Variants in PDE8A observed in about 807,000 individuals in gnomAD.
PDE8A encodes the protein high affinity cAMP-specific and IBMX-insensitive 3',5'-cyclic phosphodiesterase 8A.
In PDE8A, 59 loss-of-function variants were observed where a neutral mutation model predicts 105.0. That is an observed-to-expected ratio of 0.56 (90% CI 0.46 to 0.70). PDE8A has a LOEUF of 0.70. PDE8A is among the 30% of genes least tolerant of loss of function. The pLI, the probability that PDE8A is intolerant of heterozygous loss-of-function variation, is 0.00. For missense variants in PDE8A, 1,014 were observed against 1,045.9 expected (o/e 0.97, Z 0.42); for synonymous variants, 355 against 371.9 (o/e 0.95, Z 0.52).
chr15:85,019,202 GGAT>G (rs1264969416), intron 1 of PDE8A, among the ~76,000 whole-genome samples: 1 of 152,082 alleles, frequency 6.6e-6, no homozygotes, highest in Non-Finnish European at 1.5e-5. Context: ...TATGAGTGAT[GGAT>G]GATATTAAGA....
chr15:84,984,868 A>G (rs774954304), intron 1 of PDE8A, among the ~76,000 whole-genome samples: 3 of 152,068 alleles, frequency 2.0e-5, no homozygotes, highest in Non-Finnish European at 4.4e-5. Flanking sequence ...CAGAGTTTGG[A>G]TTTTCAGATT....
intron 16 of PDE8A, 63 bp downstream of exon 16, chr15:85,116,182 A>G (rs561581707): frequency 1.3e-6 from 2 of 1,542,496 alleles, no homozygotes; most frequent in Non-Finnish European, 1.8e-6. Flanking sequence ...TGAGGAGGCT[A>G]CCTGAGGAGT....
intron 1 of PDE8A, among the ~76,000 whole-genome samples, chr15:85,030,632 G>T (rs781729113): frequency 2.6e-4 from 40 of 152,264 alleles, no homozygotes; most frequent in Admixed American, 4.6e-4. Context: ...ATCTACTGTG[G>T]AATCCTCCAT....
intron 3 of PDE8A, among the ~76,000 whole-genome samples, chr15:85,072,823 C>G (rs1283416489): frequency 6.6e-6 from 1 of 152,150 alleles, no homozygotes; most frequent in African/African-American, 2.4e-5. Flanking sequence ...TTAAGACTTT[C>G]CCAGTGAGGC....
intron 1 of PDE8A, among the ~76,000 whole-genome samples, chr15:85,021,544 C>G (rs1363883195): frequency 1.3e-5 from 2 of 151,428 alleles, no homozygotes; most frequent in African/African-American, 4.9e-5. Flanking sequence ...GGCAACTGAG[C>G]AGTACCCTGG....
chr15:85,022,625 T>A (rs976401309), intron 1 of PDE8A, among the ~76,000 whole-genome samples: 14 of 151,588 alleles, frequency 9.2e-5, no homozygotes, highest in African/African-American at 3.4e-4. Flanking sequence ...CTCAGCTCAC[T>A]GCAACCTCTG....
chr15:84,980,888 C>T (rs1306481694), upstream of PDE8A, among the ~76,000 whole-genome samples: 1 of 152,216 alleles, frequency 6.6e-6, no homozygotes, highest in Non-Finnish European at 1.5e-5. Flanking sequence ...GCGGCCGCCC[C>T]GGCGCCTGTG....
intron 1 of PDE8A, among the ~76,000 whole-genome samples, chr15:85,033,724 G>T (rs986107117): frequency 2.6e-5 from 4 of 152,162 alleles, no homozygotes; most frequent in Non-Finnish European, 5.9e-5. Flanking sequence ...AATTAGCTGG[G>T]CGTGGTGGCG....
intron 1 of PDE8A, among the ~76,000 whole-genome samples, chr15:85,053,322 A>G (rs2081006515): frequency 1.3e-5 from 2 of 152,202 alleles, no homozygotes; most frequent in Non-Finnish European, 2.9e-5. Context: ...ATGGTTCCAT[A>G]TGAACTTTAA....
intron 1 of PDE8A, among the ~76,000 whole-genome samples, chr15:85,009,468 C>A (rs2080205667): frequency 6.6e-6 from 1 of 152,092 alleles, no homozygotes; most frequent in African/African-American, 2.4e-5. Context: ...TAAGATCATA[C>A]CCATTGTAAA....
intron 13 of PDE8A, 99 bp downstream of exon 13, chr15:85,113,546 G>C: frequency 1.9e-6 from 2 of 1,037,896 alleles, no homozygotes; most frequent in Non-Finnish European, 1.5e-6. Context: ...GCAGTAATGA[G>C]CATGCTGTCA....
intron 11 of PDE8A, among the ~76,000 whole-genome samples, chr15:85,108,372 T>A (rs925262958): frequency 6.6e-6 from 1 of 152,132 alleles, no homozygotes; most frequent in Non-Finnish European, 1.5e-5. Context: ...AAGCAGCTCC[T>A]AGTTTCCTTG....
chr15:85,119,287 G>A (rs111671951), intron 17 of PDE8A, among the ~76,000 whole-genome samples: 13,822 of 151,530 alleles, frequency 0.091, 1,725 homozygotes, highest in African/African-American at 0.29. Context: ...TAGCCAACAT[G>A]GTGAAACACC....
chr15:85,033,152 A>G (rs1169627999), intron 1 of PDE8A, among the ~76,000 whole-genome samples: 1 of 152,224 alleles, frequency 6.6e-6, no homozygotes, highest in African/African-American at 2.4e-5. Context: ...GAGGAAGTAG[A>G]CTGAAGGCAC....
At chr15:85,083,738 C>G in intron 6 of PDE8A, 94 bp downstream of exon 6, 1 of 777,826 alleles carries the variant, frequency 1.3e-6, no homozygotes, top group Non-Finnish European at 2.3e-6. Flanking sequence ...GAAATGGCCT[C>G]TTGCAGAAAT....
At chr15:85,078,359 A>G (rs2081410814) in intron 5 of PDE8A, among the ~76,000 whole-genome samples, 3 of 152,000 alleles carry the variant, frequency 2.0e-5, no homozygotes, top group Admixed American at 1.3e-4. Context: ...CATCCTGGCC[A>G]ACATGGTGAA....
intron 1 of PDE8A, among the ~76,000 whole-genome samples, chr15:84,997,234 C>A (rs1361197545): frequency 6.6e-6 from 1 of 152,004 alleles, no homozygotes; most frequent in Non-Finnish European, 1.5e-5. Flanking sequence ...CACTCTGTCA[C>A]CCAGGCTGTA....
intron 13 of PDE8A, 128 bp from the exon 14 acceptor site, chr15:85,113,745 C>G: frequency 4.2e-6 from 3 of 721,744 alleles, no homozygotes; most frequent in Non-Finnish European, 6.9e-6. Context: ...GTCTCAAACT[C>G]CTGGGCTCAA....
chr15:85,109,214 C>A, intron 12 of PDE8A, 84 bp downstream of exon 12: 1 of 837,696 alleles, frequency 1.2e-6, no homozygotes, highest in Non-Finnish European at 1.9e-6. Context: ...CCAGGCTCAT[C>A]CTGTCTACCT....
Sources: allele counts gnomAD v4.1 joint callset (sites outside exome capture counted in the v4.1 genomes callset), GRCh38; gene constraint gnomAD v4.1.1; transcripts MANE v1.5; gene names NCBI Gene and HGNC (gene_info 2026-07-23, HGNC 2026-07-21).